Variants in KIF6 observed in about 807,000 individuals in gnomAD.
KIF6 encodes kinesin-like protein KIF6.
Under a neutral mutation model 112.7 loss-of-function variants are expected in KIF6, and 106 were observed. The ratio of observed to expected loss-of-function variants is 0.94; its 90% CI spans 0.80 to 1.11. The LOEUF (loss-of-function observed/expected upper bound fraction) is 1.11, where lower values mean the gene tolerates loss of function less well. KIF6 is among the 50% of genes least tolerant of loss of function. The pLI is 0.00. For missense variants in KIF6, 929 were observed against 964.0 expected, an observed-to-expected ratio of 0.96 and a Z score of 0.48; for synonymous variants, 339 against 339.9, an observed-to-expected ratio of 1.00 and a Z score of 0.03.
intron 13 of KIF6, among the ~76,000 whole-genome samples, chr6:39,455,268 C>G (rs1401838923): frequency 6.6e-6 from 1 of 151,754 alleles, no homozygotes; most frequent in Non-Finnish European, 1.5e-5. Context: ...ACACTGACAC[C>G]TCACACTGCA....
At chr6:39,532,477 G>A (rs1185156676) in intron 13 of KIF6, among the ~76,000 whole-genome samples, 1 of 152,148 alleles carries the variant, frequency 6.6e-6, no homozygotes, top group Non-Finnish European at 1.5e-5. Context: ...AACCAGCAAA[G>A]ATGTATAGAA....
At chr6:39,567,939 C>T (rs1780402512) in intron 10 of KIF6, among the ~76,000 whole-genome samples, 1 of 152,230 alleles carries the variant, frequency 6.6e-6, no homozygotes, top group Non-Finnish European at 1.5e-5. Flanking sequence ...TCAACAGAGG[C>T]TGGTCCTGGG....
At chr6:39,464,156 T>G (rs1338874146) in intron 13 of KIF6, among the ~76,000 whole-genome samples, 3 of 152,210 alleles carry the variant, frequency 2.0e-5, no homozygotes, top group Middle Eastern at 6.8e-3. Context: ...ACCGTTGTCG[T>G]GCTTGATGAG....
At chr6:39,538,635 C>T (rs895099528) in intron 13 of KIF6, among the ~76,000 whole-genome samples, 1 of 150,092 alleles carries the variant, frequency 6.7e-6, no homozygotes, top group Non-Finnish European at 1.5e-5. Flanking sequence ...TAAACTAGTT[C>T]AACCATTGTG....
chr6:39,616,019 C>G (rs1783498742), intron 5 of KIF6, among the ~76,000 whole-genome samples: 1 of 152,114 alleles, frequency 6.6e-6, no homozygotes, highest in African/African-American at 2.4e-5. Flanking sequence ...ACACCTAATA[C>G]CTATATCTCT....
intron 10 of KIF6, among the ~76,000 whole-genome samples, chr6:39,574,381 C>T (rs188327351): frequency 6.6e-6 from 1 of 152,136 alleles, no homozygotes; most frequent in East Asian, 1.9e-4. Flanking sequence ...TCCTTTCGGT[C>T]TGAAAGTTTG....
chr6:39,675,068 T>A (rs1319143572), intron 3 of KIF6, among the ~76,000 whole-genome samples: 1 of 152,044 alleles, frequency 6.6e-6, no homozygotes, highest in African/African-American at 2.4e-5. Context: ...ATATAATACA[T>A]ACTCCTTTTA....
intron 15 of KIF6, among the ~76,000 whole-genome samples, chr6:39,416,548 A>C (rs1769935799): frequency 6.6e-6 from 1 of 152,216 alleles, no homozygotes; most frequent in Non-Finnish European, 1.5e-5. Flanking sequence ...TTTCAACATC[A>C]GGATTGATGT....
At chr6:39,565,640 C>T (rs547762725) in intron 10 of KIF6, among the ~76,000 whole-genome samples, 64 of 152,152 alleles carry the variant, frequency 4.2e-4, no homozygotes, top group Non-Finnish European at 7.6e-4. Flanking sequence ...AAAAATTTGG[C>T]ACCACCTCCT....
chr6:39,718,717 C>A (rs1327464356), intron 2 of KIF6: 5 of 137,070 alleles, frequency 3.6e-5, no homozygotes, highest in Admixed American at 7.8e-5. Context: ...GCCTGGGTGA[C>A]AGAGTGAGAA....
chr6:39,485,223 C>A (rs1018458885), intron 13 of KIF6, among the ~76,000 whole-genome samples: 2 of 152,156 alleles, frequency 1.3e-5, no homozygotes, highest in African/African-American at 2.4e-5. Flanking sequence ...ACCTGCAGAG[C>A]CATTTCATAG....
intron 3 of KIF6, among the ~76,000 whole-genome samples, chr6:39,696,510 G>A (rs887378344): frequency 1.1e-4 from 17 of 152,064 alleles, no homozygotes; most frequent in African/African-American, 4.1e-4. Context: ...GCCTTGGACT[G>A]CCTACCTGCA....
chr6:39,467,630 G>A (rs942792937), intron 13 of KIF6, among the ~76,000 whole-genome samples: 2 of 152,154 alleles, frequency 1.3e-5, no homozygotes, highest in Non-Finnish European at 2.9e-5. Flanking sequence ...CACTGAGATA[G>A]TCCATCCAAG....
chr6:39,484,813 C>T (rs1052057620), intron 13 of KIF6, among the ~76,000 whole-genome samples: 16 of 152,156 alleles, frequency 1.1e-4, no homozygotes, highest in African/African-American at 3.9e-4. Context: ...CATATATGGG[C>T]CAGGCTGTGG....
At chr6:39,615,855 T>A (rs544806334) in intron 5 of KIF6, among the ~76,000 whole-genome samples, 1 of 152,294 alleles carries the variant, frequency 6.6e-6, no homozygotes, top group East Asian at 1.9e-4. Flanking sequence ...GGCAAGTTTC[T>A]TTTCTACCTC....
chr6:39,575,704 A>G (rs934783932), intron 10 of KIF6, among the ~76,000 whole-genome samples: 2 of 152,278 alleles, frequency 1.3e-5, no homozygotes, highest in Non-Finnish European at 2.9e-5. Context: ...AACACTGCAG[A>G]GGAGGAGGGC....
chr6:39,337,229 TTC>T (rs779616535), intron 22 of KIF6, among the ~76,000 whole-genome samples: 3 of 115,688 alleles, frequency 2.6e-5, no homozygotes, highest in African/African-American at 1.0e-4. Flanking sequence ...CTTTCTTTCT[TTC>T]TTTCTTTTTC....
chr6:39,457,372 T>C (rs1410764980), intron 13 of KIF6, among the ~76,000 whole-genome samples: 1 of 141,820 alleles, frequency 7.1e-6, no homozygotes, highest in Non-Finnish European at 1.5e-5. Flanking sequence ...TTCAAAGCAG[T>C]GTGTAGAGGG....
chr6:39,587,076 T>A (rs1781678051), intron 7 of KIF6, among the ~76,000 whole-genome samples: 1 of 152,212 alleles, frequency 6.6e-6, no homozygotes, highest in South Asian at 2.1e-4. Context: ...TCAGGCTTGC[T>A]CACCTTACTC....
Sources: allele counts gnomAD v4.1 joint callset (sites outside exome capture counted in the v4.1 genomes callset), GRCh38; gene constraint gnomAD v4.1.1; transcripts MANE v1.5; gene names NCBI Gene and HGNC (gene_info 2026-07-23, HGNC 2026-07-21).